The following PCDHGA2 variants were observed in gnomAD, a reference collection of about 807,000 sequenced individuals.
PCDHGA2 encodes the protein protocadherin gamma-A2.
A neutral mutation model predicts 59.2 loss-of-function variants in PCDHGA2; 40 were observed. The ratio of observed to expected loss-of-function variants is 0.68; its 90% confidence interval spans 0.52 to 0.88. PCDHGA2 has a LOEUF of 0.88. PCDHGA2 is among the 40% of genes least tolerant of loss of function. The probability of loss-of-function intolerance (pLI) is 0.00; values close to 1 mark genes in which losing one functional copy is unlikely to be tolerated. For missense variants in PCDHGA2, 1,226 were observed against 1,204.0 expected, an observed-to-expected ratio of 1.02 and a Z score of -0.27; for synonymous variants, 560 against 526.0, an observed-to-expected ratio of 1.06 and a Z score of -0.89.
intron 1 of PCDHGA2, among the ~76,000 whole-genome samples, chr5:141,444,982 A>G (rs10066383): frequency 7.1e-4 from 108 of 152,272 alleles, no homozygotes; most frequent in African/African-American, 2.5e-3. Flanking sequence ...ATCCATGAAC[A>G]TGGTATATAT....
rs1021096537 is a variant in PCDHGA2, at chr5:141,511,383, T to C, written c.*210T>C. 2 of 1,155,330 alleles carry C rather than the reference T, an allele frequency of 1.7e-6. No homozygotes were observed. Among genetic ancestry groups the C allele is most frequent in the Non-Finnish European group, 2.4e-6 (2 of 841,000 alleles). The allele number at this position is 1,155,330 out of a possible 1,614,324, so 71.6% of individuals were successfully genotyped here. ...GTTGAATATGCAAAAGCAGTTCCGC[T>C]GGGAACCCCCATCCAATCAACTGCT... is the stretch of plus-strand genomic sequence containing the variant. On this transcript the variant is annotated 3_prime_UTR_variant, in exon 4 of 4. Transcript: ENST00000394576.
At chr5:141,384,286 G>A (rs760333073) in intron 1 of PCDHGA2, 3 of 1,613,834 alleles carry the variant, frequency 1.9e-6, no homozygotes, top group South Asian at 2.2e-5. Context: ...CTACATCGCT[G>A]AGAACAACCC....
intron 1 of PCDHGA2, chr5:141,366,640 T>G: frequency 3.7e-6 from 6 of 1,614,186 alleles, no homozygotes; most frequent in Non-Finnish European, 4.2e-6. Flanking sequence ...ACCTGATCTT[T>G]CCCCAGCCCA....
At chr5:141,455,605 T>C (rs930071553) in intron 1 of PCDHGA2, among the ~76,000 whole-genome samples, 2 of 152,098 alleles carry the variant, frequency 1.3e-5, no homozygotes, top group African/African-American at 4.8e-5. Flanking sequence ...TAGGGCGCCA[T>C]GGATGTTCTA....
intron 1 of PCDHGA2, among the ~76,000 whole-genome samples, chr5:141,347,038 CCT>C (rs763589183): frequency 1.3e-5 from 2 of 150,014 alleles, no homozygotes; most frequent in South Asian, 2.1e-4. Context: ...TTCCTTCCTT[CCT>C]CTCTCTCTTT....
At chr5:141,360,888 G>GA (rs1462264831) in intron 1 of PCDHGA2, 2 of 1,613,934 alleles carry the variant, frequency 1.2e-6, no homozygotes, top group Non-Finnish European at 1.7e-6. Flanking sequence ...GGGTCACCCT[G>GA]AGGGAGGACG....
chr5:141,345,094 G>A lies in PCDHGA2; in HGVS notation c.2424+3699G>A. On this transcript the variant is annotated intron_variant, in intron 1 of 3. Transcript: ENST00000394576. The stretch of plus-strand genomic sequence containing the variant: ...GAAATTACAATCACGTCTCTCACAA[G>A]CTCAGTCCCAGAAGAGGGCACCGTT... 1 of 1,613,950 alleles carries A rather than the reference G, an allele frequency of 6.2e-7. No individual in the cohort carries two copies. The highest frequency in any genetic ancestry group is 2.2e-5 in the East Asian group (1 of 44,882).
intron 1 of PCDHGA2, among the ~76,000 whole-genome samples, chr5:141,474,651 C>T (rs2099352565): frequency 6.6e-6 from 1 of 152,178 alleles, no homozygotes; most frequent in South Asian, 2.1e-4. Flanking sequence ...ATCCTTACTT[C>T]TTTTCTACCT....
intron 1 of PCDHGA2, among the ~76,000 whole-genome samples, chr5:141,381,826 C>CTTTTTTTTTTTTTTTTTTTTTTTT (rs770630741): frequency 4.0e-5 from 3 of 74,284 alleles, no homozygotes; most frequent in African/African-American, 6.2e-5. Context: ...CTTTCTTCTT[C>CTTTTTTTTTTTTTTTTTTTTTTTT]TTTTTTTTTT....
At chr5:141,383,674 A>T in intron 1 of PCDHGA2, 1 of 1,614,034 alleles carries the variant, frequency 6.2e-7, no homozygotes, top group Non-Finnish European at 8.5e-7. Context: ...GCCAGTGGGT[A>T]CAAGACTGCT....
rs1330659052 is a variant in PCDHGA2, at chr5:141,490,012, G to T, written c.2425-4795G>T. On this transcript the variant is annotated intron_variant, in intron 1 of 3. Transcript: ENST00000394576. The surrounding 1 kb of genome is among the most constrained non-coding windows in gnomAD (Gnocchi z 5.4). ...GGGAATCCCAGAGAATGCACCCATT[G>T]GTACTCTGCTGCTCCGCCTCAATGC... The T allele has an allele frequency of 1.2e-6, 2 of 1,614,232 alleles. No homozygotes were observed. Among genetic ancestry groups the T allele is most frequent in the East Asian group, 4.5e-5 (2 of 44,888 alleles).
intron 2 of PCDHGA2, among the ~76,000 whole-genome samples, chr5:141,502,428 A>C (rs2099814217): frequency 6.6e-6 from 1 of 151,978 alleles, no homozygotes; most frequent in South Asian, 2.1e-4. Flanking sequence ...CTATTCTCTG[A>C]TGGTTAGATT....
chr5:141,434,132 G>A (rs2097674012), intron 1 of PCDHGA2, among the ~76,000 whole-genome samples: 1 of 152,194 alleles, frequency 6.6e-6, no homozygotes, highest in South Asian at 2.1e-4. Context: ...CCTTTAGGCT[G>A]ATTTCTATGT....
At chr5:141,433,066 C>A in intron 1 of PCDHGA2, 2 of 1,614,210 alleles carry the variant, frequency 1.2e-6, no homozygotes, top group Non-Finnish European at 1.7e-6. Context: ...GTCACCTGAT[C>A]TTCCCCCAGC....
At position 141,409,100 on chromosome 5, in the gene PCDHGA2, A is replaced by G. The variant is rs1341878280; in HGVS notation, c.2424+67705A>G. ...GTTCTCATTGGATGAGAAAACAGGT[A>G]TGATTAAGAATAACCAGTCATTTGA... is the stretch of plus-strand genomic sequence containing the variant. On this transcript the variant is annotated intron_variant, in intron 1 of 3. Transcript: ENST00000394576. The G allele has an allele frequency of 6.8e-6, 11 of 1,613,934 alleles. No homozygotes were observed. In the Admixed American group the frequency reaches 1.0e-4, roughly 15 times the overall value.
At chr5:141,451,535 A>G (rs150174911) in intron 1 of PCDHGA2, among the ~76,000 whole-genome samples, 2 of 152,328 alleles carry the variant, frequency 1.3e-5, no homozygotes, top group Non-Finnish European at 2.9e-5. Flanking sequence ...GGAGAGTGCC[A>G]GAGAGGGCAA....
chr5:141,409,751 C>T, intron 1 of PCDHGA2: 1 of 1,613,000 alleles, frequency 6.2e-7, no homozygotes, highest in Non-Finnish European at 8.5e-7. Flanking sequence ...GGTGTTCGCG[C>T]AGCGCGCCTT....
intron 1 of PCDHGA2, chr5:141,376,548 T>A: frequency 6.2e-7 from 1 of 1,612,424 alleles, no homozygotes; most frequent in South Asian, 1.1e-5. Flanking sequence ...TAATCTGATC[T>A]TCCCGCAACC....
chr5:141,444,305 A>G (rs62379165), intron 1 of PCDHGA2, among the ~76,000 whole-genome samples: 13,327 of 151,310 alleles, frequency 0.088, 765 homozygotes, highest in African/African-American at 0.16. Context: ...CCTAGTAGCT[A>G]GGATTACAGG....
Sources: allele counts gnomAD v4.1 joint callset (sites outside exome capture counted in the v4.1 genomes callset), GRCh38; gene constraint gnomAD v4.1.1; non-coding constraint Gnocchi (gnomAD v3.1); transcripts MANE v1.5; gene names NCBI Gene and HGNC (gene_info 2026-07-23, HGNC 2026-07-21).